The following CELF2 variants were observed in gnomAD, a reference collection of about 807,000 sequenced individuals.
The protein encoded by CELF2 is CUG triplet repeat RNA-binding protein 2.
Under a neutral mutation model 62.6 loss-of-function variants are expected in CELF2, and 8 were observed. That is an observed-to-expected ratio of 0.13 (90% CI 0.07 to 0.23). The LOEUF is 0.23. Ranked by LOEUF, CELF2 falls within the 10% of genes least tolerant of loss-of-function variation. The pLI is 1.00. For missense variants in CELF2, 333 were observed against 671.0 expected, an observed-to-expected ratio of 0.50 and a Z score of 5.56; for synonymous variants, 258 against 250.0, an observed-to-expected ratio of 1.03 and a Z score of -0.30.
At chr10:10,831,661 T>C (rs1344635331) in intron 1 of CELF2, among the ~76,000 whole-genome samples, 2 of 152,158 alleles carry the variant, frequency 1.3e-5, no homozygotes, top group Admixed American at 6.5e-5. Context: ...GCCTGGAACA[T>C]GGTAGGCATT....
At chr10:10,591,226 A>C in the CELF2 span, among the ~76,000 whole-genome samples, 3 of 152,194 alleles carry the variant, frequency 2.0e-5, no homozygotes, top group African/African-American at 7.2e-5. Flanking sequence ...AATTATGGGA[A>C]CATTCAATAT....
the CELF2 span, among the ~76,000 whole-genome samples, chr10:10,467,055 CA>C: frequency 6.6e-6 from 1 of 151,918 alleles, no homozygotes; most frequent in East Asian, 1.9e-4. Context: ...TCCAAATTAC[CA>C]GTATACCACC....
At chr10:10,798,730 C>T (rs1234925584) in exon 1 of CELF2, 2 of 398,742 alleles carry the variant, frequency 5.0e-6, no homozygotes, top group Non-Finnish European at 8.8e-6. Flanking sequence ...CCCGCCTCCT[C>T]CTCTCCGGAC....
intron 2 of CELF2, among the ~76,000 whole-genome samples, chr10:10,924,238 C>T (rs942513068): frequency 7.3e-6 from 1 of 136,702 alleles, no homozygotes; most frequent in Non-Finnish European, 1.5e-5. Flanking sequence ...GCCGAGATCG[C>T]GCCACTGCAC....
At chr10:10,667,231 G>A in the CELF2 span, among the ~76,000 whole-genome samples, 233 of 152,256 alleles carry the variant, frequency 1.5e-3, 1 homozygote, top group South Asian at 0.02. Flanking sequence ...CTGACTTTTT[G>A]TTTTAATTAT....
intron 1 of CELF2, among the ~76,000 whole-genome samples, chr10:11,142,636 A>G (rs2061539455): frequency 6.7e-6 from 1 of 148,196 alleles, no homozygotes; most frequent in Non-Finnish European, 1.5e-5. Context: ...GTGAGCCGAG[A>G]TCATGCCACT....
At chr10:11,163,260 C>T (rs974851494) in intron 1 of CELF2, among the ~76,000 whole-genome samples, 1 of 152,228 alleles carries the variant, frequency 6.6e-6, no homozygotes, top group African/African-American at 2.4e-5. Context: ...GCGGCAGCCC[C>T]ATTTTTTGAA....
At position 11,224,809 on chromosome 10, in the gene CELF2, A is replaced by C. The variant is rs116762559; in HGVS notation, c.354+7302A>C. ...AGCCTGGAGCTTTAGGCCACACAAA[A>C]AGCATACAGCATGGGTAGATGTGGA... On this transcript the variant is annotated intron_variant, in intron 3 of 12. Coordinates refer to ENST00000633077, the MANE Select transcript of CELF2 (RefSeq NM_001326342.2). The surrounding 1 kb of genome is among the most constrained non-coding windows in gnomAD (Gnocchi z 4.5). Among the ~76,000 whole-genome samples, 2 of 152,240 alleles carry C rather than the reference A, an allele frequency of 1.3e-5. No homozygotes were observed. The highest frequency in any genetic ancestry group is 4.8e-5 in the African/African-American group (2 of 41,538).
chr10:10,772,358 T>C, the CELF2 span, among the ~76,000 whole-genome samples: 1 of 152,250 alleles, frequency 6.6e-6, no homozygotes, highest in Non-Finnish European at 1.5e-5. Flanking sequence ...TAAATTTTAT[T>C]ACTCTAGATT....
At chr10:10,633,139 T>C in the CELF2 span, among the ~76,000 whole-genome samples, 1 of 152,220 alleles carries the variant, frequency 6.6e-6, no homozygotes, top group African/African-American at 2.4e-5. Flanking sequence ...AAATGGGCTT[T>C]TGGGCTATGC....
At chr10:10,792,666 C>T in the CELF2 span, 1 of 386,440 alleles carries the variant, frequency 2.6e-6, no homozygotes, top group Non-Finnish European at 4.6e-6. Context: ...ACAGATTTTT[C>T]CTTTGGGTAT....
At position 11,330,994 on chromosome 10, in the gene CELF2, T is replaced by TTAAGA. The variant is rs2096002196; in HGVS notation, c.*1944_*1948dup. Reference sequence around the variant, plus strand: ...CCATTTTAGGTGGCTCACTTTCTCATTAAGATATATATATAGAACCACTTT... The same window carrying TTAAGA: ...CCATTTTAGGTGGCTCACTTTCTCATTAAGATAAGATATATATATAGAACCACTTT... On this transcript the variant is annotated 3_prime_UTR_variant, in exon 13 of 13. Coordinates refer to ENST00000633077, the MANE Select transcript of CELF2 (RefSeq NM_001326342.2). This position sits in a 1 kb window ranked among gnomAD's most constrained non-coding sequence, Gnocchi z 4.5. The TTAAGA allele has an allele frequency of 6.6e-6, 1 of 152,600 alleles. No individual in the cohort carries two copies. The highest frequency in any genetic ancestry group is 1.5e-5 in the Non-Finnish European group (1 of 68,036). 9.5% of individuals were successfully genotyped at this position (152,600 alleles called of 1,614,324 possible).
chr10:10,987,842 C>G (rs1163732757), intron 2 of CELF2, among the ~76,000 whole-genome samples: 2 of 151,960 alleles, frequency 1.3e-5, no homozygotes, highest in Non-Finnish European at 2.9e-5. Context: ...TACAAACAGC[C>G]AACAAATGTA....
the CELF2 span, among the ~76,000 whole-genome samples, chr10:10,743,896 G>T: frequency 7.6e-6 from 1 of 132,332 alleles, no homozygotes; most frequent in African/African-American, 2.7e-5. Context: ...AATGATTCTT[G>T]TAGGCCACTG....
the CELF2 span, among the ~76,000 whole-genome samples, chr10:10,777,431 C>G: frequency 5.1e-4 from 77 of 152,150 alleles, no homozygotes; most frequent in Admixed American, 4.8e-3. Flanking sequence ...ACAAGCTGTC[C>G]GAGCTGGCAT....
chr10:11,231,867 A>G (rs909170357), intron 3 of CELF2, among the ~76,000 whole-genome samples: 28 of 151,168 alleles, frequency 1.9e-4, no homozygotes, highest in African/African-American at 6.9e-4. Context: ...AGGCAAAAAA[A>G]TAAAAAATAA....
Position 11,257,735 on chromosome 10 carries a change from T to C in CELF2, c.404-3T>C. The C allele has an allele frequency of 6.2e-7, 1 of 1,613,358 alleles. No homozygotes were observed. Among genetic ancestry groups the C allele is most frequent in the Non-Finnish European group, 8.5e-7 (1 of 1,179,280 alleles). On this transcript the variant is annotated splice_polypyrimidine_tract_variant and splice_region_variant and intron_variant, in intron 4 of 12. Coordinates refer to ENST00000633077, the MANE Select transcript of CELF2 (RefSeq NM_001326342.2). ...TTGCTCATTCGTTATTTTTATCTCC[T>C]AGCTGTGGAAGACAGAAAATTGTTC... is the stretch of plus-strand genomic sequence containing the variant.
intron 1 of CELF2, among the ~76,000 whole-genome samples, chr10:10,817,220 T>G (rs949896890): frequency 6.6e-6 from 1 of 152,172 alleles, no homozygotes. Context: ...TGTGGGTACA[T>G]AGTGGGTGTA....
intron 1 of CELF2, among the ~76,000 whole-genome samples, chr10:11,136,802 T>C (rs1312567418): frequency 6.6e-6 from 1 of 152,162 alleles, no homozygotes; most frequent in Non-Finnish European, 1.5e-5. Context: ...TGTTTTGTTA[T>C]TTTAATATTT....
Sources: allele counts gnomAD v4.1 joint callset (sites outside exome capture counted in the v4.1 genomes callset), GRCh38; gene constraint gnomAD v4.1.1; non-coding constraint Gnocchi (gnomAD v3.1); transcripts MANE v1.5; gene names NCBI Gene and HGNC (gene_info 2026-07-23, HGNC 2026-07-21).